Variants in MACF1 observed in about 807,000 individuals in gnomAD.
The protein encoded by MACF1 is microtubule-actin cross-linking factor 1.
MACF1 carries 193 observed loss-of-function variants against 854.8 expected under a neutral mutation model. The ratio of observed to expected loss-of-function variants is 0.23; its 90% CI spans 0.20 to 0.25. The LOEUF (loss-of-function observed/expected upper bound fraction) is 0.25, where lower values mean the gene tolerates loss of function less well. Ranked by LOEUF, MACF1 falls within the 10% of genes least tolerant of loss-of-function variation. The probability of loss-of-function intolerance (pLI) is 1.00; values close to 1 mark genes in which losing one functional copy is unlikely to be tolerated. For missense variants in MACF1, 7,722 were observed against 8,929.1 expected, an observed-to-expected ratio of 0.86 and a Z score of 5.45; for synonymous variants, 3,185 against 3,226.7, an observed-to-expected ratio of 0.99 and a Z score of 0.44.
intron 58 of MACF1, among the ~76,000 whole-genome samples, chr1:39,417,392 T>G (rs1397922931): frequency 6.6e-6 from 1 of 152,140 alleles, no homozygotes; most frequent in Admixed American, 6.5e-5. Flanking sequence ...AAGATTACAA[T>G]TTGCCAAGGG....
intron 49 of MACF1, among the ~76,000 whole-genome samples, chr1:39,362,461 C>A (rs1327339385): frequency 1.3e-5 from 2 of 152,164 alleles, no homozygotes; most frequent in African/African-American, 4.8e-5. Context: ...CCTAGATTCA[C>A]CAGTTGCTAA....
intron 2 of MACF1, among the ~76,000 whole-genome samples, chr1:39,119,056 C>A (rs1018900737): frequency 2.0e-5 from 3 of 152,166 alleles, no homozygotes; most frequent in Admixed American, 6.5e-5. Flanking sequence ...CGGTGGCTCA[C>A]ACCTGTAATC....
intron 41 of MACF1, 103 bp from the exon 42 acceptor site, chr1:39,349,375 C>A: frequency 8.0e-7 from 1 of 1,244,828 alleles, no homozygotes; most frequent in Non-Finnish European, 1.1e-6. Context: ...CCAACTTTTC[C>A]ATCCTTGAGA....
intron 2 of MACF1, among the ~76,000 whole-genome samples, chr1:39,141,931 T>C (rs1258351614): frequency 6.6e-6 from 1 of 152,136 alleles, no homozygotes; most frequent in Non-Finnish European, 1.5e-5. Flanking sequence ...CCTGAGAACT[T>C]GAGGGAGATA....
At chr1:39,337,583 T>TTTTA (rs1646836682) in intron 38 of MACF1, among the ~76,000 whole-genome samples, 1 of 149,288 alleles carries the variant, frequency 6.7e-6, no homozygotes, top group African/African-American at 2.5e-5. Context: ...TTTTTTTTTT[T>TTTTA]GAGATAGAGT....
At chr1:39,379,696 C>T (rs555675025) in intron 54 of MACF1, among the ~76,000 whole-genome samples, 1 of 152,316 alleles carries the variant, frequency 6.6e-6, no homozygotes, top group African/African-American at 2.4e-5. Context: ...AATAGCCCTC[C>T]CCAGAATCGT....
intron 58 of MACF1, chr1:39,413,852 C>T (rs570383597): frequency 1.2e-5 from 19 of 1,610,946 alleles, no homozygotes; most frequent in Non-Finnish European, 1.6e-5. Flanking sequence ...GAGGAACCCA[C>T]TTCCCCGGCA....
Position 39,485,651 on chromosome 1 carries a change from T to C in MACF1, c.22525T>C (p.Ser7509Pro). Residue 7509 changes from serine (S) to proline (P), a missense_variant, in exon 101 of 101, where the codon TCT becomes CCT. By Grantham distance (74) the Ser-to-Pro change is moderately conservative. Transcript: ENST00000564288. ...TGACTTTGACCTCTTAGAGACGCAG[T>C]CTGCTTGTTCCGACACTTCAGAAAG... The part of the protein sequence containing the change: ...ASDFDLLETQ[S>P]ACSDTSESSA... The C allele has an allele frequency of 6.2e-7, 1 of 1,614,150 alleles. No individual in the cohort carries two copies. Among genetic ancestry groups the C allele is most frequent in the Non-Finnish European group, 8.5e-7 (1 of 1,180,018 alleles).
chr1:39,364,984 G>A (rs1648565093), intron 49 of MACF1, among the ~76,000 whole-genome samples: 1 of 152,056 alleles, frequency 6.6e-6, no homozygotes, highest in African/African-American at 2.4e-5. Flanking sequence ...TCTGAAGTAT[G>A]AATCATGTTA....
intron 50 of MACF1, among the ~76,000 whole-genome samples, chr1:39,369,368 T>G (rs1027723914): frequency 6.6e-6 from 1 of 152,172 alleles, no homozygotes; most frequent in Non-Finnish European, 1.5e-5. Context: ...CCTTAGTGAT[T>G]AGAAGAAAAG....
intron 29 of MACF1, among the ~76,000 whole-genome samples, chr1:39,318,245 A>G (rs1340015222): frequency 3.3e-5 from 5 of 152,188 alleles, no homozygotes; most frequent in Admixed American, 3.3e-4. Flanking sequence ...CTAGCAGGTC[A>G]CAACTGGTTT....
chr1:39,278,141 G>A (rs1050224997), intron 6 of MACF1, among the ~76,000 whole-genome samples: 1 of 152,204 alleles, frequency 6.6e-6, no homozygotes, highest in Non-Finnish European at 1.5e-5. Context: ...AGATGAGGGA[G>A]AAAGATCTCT....
At chr1:39,190,408 T>TG (rs1193644098) in intron 2 of MACF1, among the ~76,000 whole-genome samples, 1 of 140,630 alleles carries the variant, frequency 7.1e-6, no homozygotes, top group East Asian at 2.1e-4. Flanking sequence ...TTTGTTTTTT[T>TG]TTTTTTTTTT....
intron 2 of MACF1, among the ~76,000 whole-genome samples, chr1:39,168,398 A>G (rs1643903479): frequency 6.6e-6 from 1 of 152,108 alleles, no homozygotes; most frequent in Non-Finnish European, 1.5e-5. Context: ...TCTGACTCTT[A>G]ACTGTGGCAG....
rs566201679 is a variant in MACF1, at chr1:39,257,506, G to A, written c.436-430G>A. On this transcript the variant is annotated intron_variant, in intron 5 of 100. Transcript: ENST00000564288. ...TTTAGCAGAGACGGGGTTTCACCGTGTTAGCCAGGATGGTCTCGATCTCCT... is the reference window on the plus strand; with the variant it reads ...TTTAGCAGAGACGGGGTTTCACCGTATTAGCCAGGATGGTCTCGATCTCCT... The A allele has an allele frequency of 2.0e-4, 32 of 160,692 alleles. No homozygotes were observed. The South Asian group carries it at 2.7e-3, about 13-fold the overall frequency. 10.0% of individuals were successfully genotyped at this position (160,692 alleles called of 1,614,324 possible). A position where few individuals can be genotyped will look rare whatever the true frequency, so the allele number is the denominator to read the frequency against.
chr1:39,166,910 C>A (rs1163758423), intron 2 of MACF1, among the ~76,000 whole-genome samples: 1 of 152,050 alleles, frequency 6.6e-6, no homozygotes, highest in East Asian at 1.9e-4. Flanking sequence ...AAGTATGTAC[C>A]TGATTTTAGT....
At chr1:39,167,566 C>T (rs539430294) in intron 2 of MACF1, among the ~76,000 whole-genome samples, 5 of 152,030 alleles carry the variant, frequency 3.3e-5, no homozygotes, top group Admixed American at 1.3e-4. Flanking sequence ...ATTAGCTGGG[C>T]GTGGTGGTGC....
Position 39,287,527 on chromosome 1 carries a change from G to A in MACF1, c.1750G>A (p.Val584Met), listed in dbSNP as rs766164323. Reference sequence around the variant, plus strand: ...TGAAGATGAAGGCAATCTCCGATTTGTGTATGAACTACTGTCTTGGGTAGA... The same window carrying A: ...TGAAGATGAAGGCAATCTCCGATTTATGTATGAACTACTGTCTTGGGTAGA... ...SSEDEGNLRF[V>M]YELLSWVEEM... Residue 584 changes from valine (V) to methionine (M), a missense_variant, in exon 15 of 101, where the codon GTG (valine) becomes ATG (methionine). By Grantham distance (21) the Val-to-Met change is conservative. Transcript: ENST00000564288. The A allele has an allele frequency of 3.7e-6, 6 of 1,614,226 alleles. No individual in the cohort carries two copies. The Admixed American group carries it at 1.0e-4, about 27-fold the overall frequency.
At chr1:39,303,173 C>A in intron 23 of MACF1, 95 bp downstream of exon 23, 1 of 1,421,928 alleles carries the variant, frequency 7.0e-7, no homozygotes, top group Non-Finnish European at 9.5e-7. Flanking sequence ...TGTTTTTGAA[C>A]ACAGTGGTAA....
Sources: gnomAD v4.1 joint callset for allele counts (sites outside exome capture counted in the v4.1 genomes callset) on GRCh38, gnomAD v4.1.1 for gene constraint, MANE v1.5 for transcripts, NCBI Gene and HGNC (gene_info 2026-07-23, HGNC 2026-07-21) for gene names.